FBXL7: variants seen among roughly 807,000 people sequenced by gnomAD.
FBXL7 encodes the protein F-box/LRR-repeat protein 7.
A neutral mutation model predicts 38.3 loss-of-function variants in FBXL7; 12 were observed. That is an observed-to-expected ratio of 0.31 (90% CI 0.20 to 0.51). The LOEUF (loss-of-function observed/expected upper bound fraction) is 0.51, where lower values mean the gene tolerates loss of function less well. Ranked by LOEUF, FBXL7 falls within the 20% of genes least tolerant of loss-of-function variation. The probability of loss-of-function intolerance (pLI) is 0.98; values close to 1 mark genes in which losing one functional copy is unlikely to be tolerated. For synonymous variants in FBXL7, 297 were observed against 300.9 expected, an observed-to-expected ratio of 0.99 and a Z score of 0.13; for missense variants, 567 against 676.4, an observed-to-expected ratio of 0.84 and a Z score of 1.79.
intron 2 of FBXL7, among the ~76,000 whole-genome samples, chr5:15,817,348 A>G (rs868124298): frequency 6.6e-6 from 1 of 152,036 alleles, no homozygotes; most frequent in East Asian, 1.9e-4. Flanking sequence ...TGTCTGAATC[A>G]CAATCCCTGA....
chr5:15,600,992 A>G (rs149402381), intron 1 of FBXL7, among the ~76,000 whole-genome samples: 1,703 of 152,304 alleles, frequency 0.011, 54 homozygotes, highest in Admixed American at 0.076. Flanking sequence ...TATTTTCTCC[A>G]CTGTTTCCCT....
At chr5:15,762,361 T>TG (rs1561116425) in intron 2 of FBXL7, among the ~76,000 whole-genome samples, 7 of 57,944 alleles carry the variant, frequency 1.2e-4, no homozygotes, top group East Asian at 1.4e-3. Context: ...CAGATTCTGT[T>TG]GGTTAGAAGC....
At chr5:15,663,435 T>C (rs990102978) in intron 2 of FBXL7, among the ~76,000 whole-genome samples, 1 of 152,238 alleles carries the variant, frequency 6.6e-6, no homozygotes, top group Admixed American at 6.5e-5. Context: ...CTTTTGCCCA[T>C]TCAGTATAAT....
intron 2 of FBXL7, among the ~76,000 whole-genome samples, chr5:15,738,146 A>G (rs1053376275): frequency 6.6e-6 from 1 of 152,174 alleles, no homozygotes; most frequent in Non-Finnish European, 1.5e-5. Flanking sequence ...CACCGACTCT[A>G]CAGAGTCACA....
intron 2 of FBXL7, among the ~76,000 whole-genome samples, chr5:15,839,548 ATCAATGTATTGGT>A (rs1349611647): frequency 4.6e-5 from 7 of 151,954 alleles, no homozygotes; most frequent in Non-Finnish European, 8.8e-5. Context: ...ATGTGCCCTG[ATCAATGTATTGGT>A]TCATTCTAAT....
chr5:15,509,705 C>T (rs934545667), intron 1 of FBXL7, among the ~76,000 whole-genome samples: 28 of 152,174 alleles, frequency 1.8e-4, no homozygotes, highest in African/African-American at 6.3e-4. Context: ...CCCTGGTTAT[C>T]CTCAAAACCA....
At chr5:15,722,849 G>T (rs1461259196) in intron 2 of FBXL7, among the ~76,000 whole-genome samples, 1 of 151,656 alleles carries the variant, frequency 6.6e-6, no homozygotes, top group Non-Finnish European at 1.5e-5. Context: ...CTTGAACCCG[G>T]GAAGCGAAGG....
chr5:15,517,175 C>T (rs891562957), intron 1 of FBXL7, among the ~76,000 whole-genome samples: 2 of 152,004 alleles, frequency 1.3e-5, no homozygotes, highest in Non-Finnish European at 2.9e-5. Context: ...CACAGTCGCC[C>T]GCCACCATGT....
At chr5:15,781,822 C>G (rs927696266) in intron 2 of FBXL7, among the ~76,000 whole-genome samples, 1 of 152,012 alleles carries the variant, frequency 6.6e-6, no homozygotes, top group Non-Finnish European at 1.5e-5. Context: ...TGAGAGAAGA[C>G]CTTTTCAACT....
At chr5:15,607,944 C>T (rs769829012) in intron 1 of FBXL7, among the ~76,000 whole-genome samples, 2 of 152,150 alleles carry the variant, frequency 1.3e-5, no homozygotes, top group African/African-American at 2.4e-5. Context: ...TTTACTTTAC[C>T]GAATCTGACC....
intron 2 of FBXL7, among the ~76,000 whole-genome samples, chr5:15,889,333 T>A (rs1268036092): frequency 6.6e-6 from 1 of 152,222 alleles, no homozygotes; most frequent in Admixed American, 6.5e-5. Context: ...GATTCCTTGC[T>A]GTGTGACTTA....
intron 1 of FBXL7, among the ~76,000 whole-genome samples, chr5:15,534,950 A>G (rs367673118): frequency 2.0e-5 from 3 of 152,312 alleles, no homozygotes; most frequent in Admixed American, 1.3e-4. Flanking sequence ...CCTGGTGGGA[A>G]GTGACTGGAT....
At position 15,761,361 on chromosome 5, in the gene FBXL7, A is replaced by G. The variant is rs147379560; in HGVS notation, c.127+145289A>G. Among the ~76,000 whole-genome samples, 485 of 152,292 alleles carry G rather than the reference A, an allele frequency of 3.2e-3. 6 individuals are homozygous for G. Among genetic ancestry groups the G allele is most frequent in the African/African-American group, 0.011 (446 of 41,568 alleles). On this transcript the variant is annotated intron_variant, in intron 2 of 3. Transcript: ENST00000504595. ...CATGAACAGGGACTCTGGACTCCCA[A>G]AGATGTTCTCCTGCCCTGTGTCTGG...
At chr5:15,664,738 G>A (rs906935590) in intron 2 of FBXL7, among the ~76,000 whole-genome samples, 2 of 151,924 alleles carry the variant, frequency 1.3e-5, no homozygotes, top group African/African-American at 4.8e-5. Context: ...CCAAAGTGCT[G>A]GGACTATAGG....
At chr5:15,562,819 A>G (rs904020448) in intron 1 of FBXL7, among the ~76,000 whole-genome samples, 2 of 152,172 alleles carry the variant, frequency 1.3e-5, no homozygotes, top group African/African-American at 2.4e-5. Flanking sequence ...AGCAGTAAAT[A>G]AAACAAGGTG....
At chr5:15,699,240 T>G (rs1743445927) in intron 2 of FBXL7, among the ~76,000 whole-genome samples, 1 of 152,166 alleles carries the variant, frequency 6.6e-6, no homozygotes, top group Admixed American at 6.6e-5. Context: ...TTGGGTGGCT[T>G]AAAACAAAAT....
chr5:15,927,818 A>G (rs66504704), intron 2 of FBXL7, 72 bp from the exon 3 acceptor site: 233,177 of 1,123,066 alleles, frequency 0.21, 27,849 homozygotes, highest in Middle Eastern at 0.24. Context: ...GAAAGAAACC[A>G]GTGCTTTTGC....
At chr5:15,791,447 A>C (rs1255451898) in intron 2 of FBXL7, among the ~76,000 whole-genome samples, 2 of 152,202 alleles carry the variant, frequency 1.3e-5, no homozygotes. Context: ...CATGTATCCA[A>C]GAAGGAAATA....
At position 15,915,220 on chromosome 5, in the gene FBXL7, T is replaced by A. The variant is rs760051808; in HGVS notation, c.128-12670T>A. ...ATAGTAAGCATTCAATATAAAAGTG[T>A]GGAAAGAGCTGTACTGGCTTCCTGG... is the stretch of plus-strand genomic sequence containing the variant. On this transcript the variant is annotated intron_variant, in intron 2 of 3. Coordinates refer to ENST00000504595, the MANE Select transcript of FBXL7 (RefSeq NM_012304.5). 2.0e-5 allele frequency among the ~76,000 whole-genome samples: 3 copies of A among 152,322 alleles called. No individual in the cohort carries two copies. In the South Asian group the frequency reaches 6.2e-4, roughly 32 times the overall value.
Sources: allele counts gnomAD v4.1 joint callset (sites outside exome capture counted in the v4.1 genomes callset), GRCh38; gene constraint gnomAD v4.1.1; transcripts MANE v1.5; gene names NCBI Gene and HGNC (gene_info 2026-07-23, HGNC 2026-07-21).